Variants in DMAC1 observed in about 807,000 individuals in gnomAD.
DMAC1 encodes the protein distal membrane-arm assembly complex protein 1.
In DMAC1, 10 loss-of-function variants were observed where a neutral mutation model predicts 7.0. That is an observed-to-expected ratio of 1.43 (90% CI 0.88 to 2.43). DMAC1 has a LOEUF of 2.43. Among genes scored for constraint, DMAC1 ranks in the 30% most tolerant of loss-of-function variants. The probability of loss-of-function intolerance (pLI) is 0.00; values close to 1 mark genes in which losing one functional copy is unlikely to be tolerated. For missense variants in DMAC1, 219 were observed against 158.7 expected (o/e 1.38, Z -2.04); for synonymous variants, 92 against 66.2 (o/e 1.39, Z -1.90).
At chr9:7,799,430 A>AC in intron 1 of DMAC1, 31 bp downstream of exon 1, 1 of 1,609,302 alleles carries the variant, frequency 6.2e-7, no homozygotes, top group East Asian at 2.2e-5. Context: ...CAGATACCCA[A>AC]CCCGCCCAAG....
chr9:7,798,472 A>G lies in DMAC1; in HGVS notation c.*101T>C, dbSNP rs1304801815. 3.3e-6 allele frequency: 4 copies of G among 1,228,804 alleles called. No individual in the cohort carries two copies. The highest frequency in any genetic ancestry group is 2.3e-5 in the East Asian group (1 of 43,070). The allele number at this position is 1,228,804 out of a possible 1,614,324, so 76.1% of individuals were successfully genotyped here. On this transcript the variant is annotated 3_prime_UTR_variant, in exon 2 of 2. Transcript: ENST00000358227. ...GTATCCACAGTAGTGATGTCTGTCC[A>G]TGTACAAGTGTCTGTCCAGAACACC... is the stretch of plus-strand genomic sequence containing the variant.
rs577861045 is a variant in DMAC1 at position 7,799,291 on chromosome 9, AAAAG to A, written c.274+166_274+169del. ...ATACTAACTTAAAATTAAAAAAAAA[AAAAG>A]AAAGGCGTTCCAACAACTTCCTCTC... On this transcript the variant is annotated intron_variant, in intron 1 of 1. Coordinates refer to ENST00000358227, the MANE Select transcript of DMAC1 (RefSeq NM_033428.3). 3.3e-3 allele frequency among the ~76,000 whole-genome samples: 500 copies of A among 151,814 alleles called. 3 individuals are homozygous for A. Among genetic ancestry groups the A allele is most frequent in the African/African-American group, 0.011 (471 of 41,392 alleles).
At chr9:7,798,774 T>A in intron 1 of DMAC1, 137 bp from the exon 2 acceptor site, 1 of 668,030 alleles carries the variant, frequency 1.5e-6, no homozygotes, top group South Asian at 4.4e-5. Context: ...ATAAGGCAAG[T>A]GAAGCACAGA....
In DMAC1 at chr9:7,798,705, G is replaced by T. The variant is rs540572203; in HGVS notation, c.275-68C>A. On this transcript the variant is annotated intron_variant, in intron 1 of 1. Coordinates refer to ENST00000358227, the MANE Select transcript of DMAC1 (RefSeq NM_033428.3). ...AATTTACCAAGTGTTTCACATATAC[G>T]CCATCTTATTTAACCCTCACAACAC... 89 of 1,327,868 alleles carry T rather than the reference G, an allele frequency of 6.7e-5. No individual in the cohort carries two copies. The South Asian group carries it at 1.2e-3, about 18-fold the overall frequency. The allele number at this position is 1,327,868 out of a possible 1,614,324, so 82.3% of individuals were successfully genotyped here.
chr9:7,797,737 G>A lies in DMAC1; in HGVS notation c.*836C>T, dbSNP rs1023242153. On this transcript the variant is annotated 3_prime_UTR_variant, in exon 2 of 2. Coordinates refer to ENST00000358227, the MANE Select transcript of DMAC1 (RefSeq NM_033428.3). ...TAGCTAAAGGTTTTGAATTTTTCTT[G>A]TGACATTTAAGTCTTTTATTGTATG... 3.3e-5 allele frequency: 5 copies of A among 149,556 alleles called. No homozygotes were observed. The highest frequency in any genetic ancestry group is 1.2e-4 in the African/African-American group (5 of 40,720). The allele number at this position is 149,556 out of a possible 1,614,324, so 9.3% of individuals were successfully genotyped here. A position where few individuals can be genotyped will look rare whatever the true frequency, so the allele number is the denominator to read the frequency against.
chr9:7,798,778 G>GAA, intron 1 of DMAC1, 141 bp from the exon 2 acceptor site: 2 of 651,786 alleles, frequency 3.1e-6, no homozygotes, highest in Non-Finnish European at 4.7e-6. Context: ...GGCAAGTGAA[G>GAA]CACAGAAAAA....
rs1818696876 is a variant in DMAC1 at position 7,799,524 on chromosome 9, T to A, written c.211A>T (p.Lys71Ter). 6.2e-7 allele frequency: 1 copy of A among 1,613,520 alleles called. No individual in the cohort carries two copies. The highest frequency in any genetic ancestry group is 1.3e-5 in the African/African-American group (1 of 74,888). ...AGGYVYWVARKPMKMGYPPSP... is the reference protein window; with the variant it reads ...AGGYVYWVAR Reference sequence around the variant, plus strand: ...GGGGGGTATCCCATCTTCATGGGCTTCCGTGCCACCCAGTACACGTACCCG... The same window carrying A: ...GGGGGGTATCCCATCTTCATGGGCTACCGTGCCACCCAGTACACGTACCCG... Residue 71 changes from lysine to a stop codon, truncating the protein, a stop_gained, in exon 1 of 2, where the codon AAG (lysine) becomes TAG (stop). Transcript: ENST00000358227. LOFTEE classifies it high-confidence loss of function.
At position 7,796,659 on chromosome 9, in the gene DMAC1, A is replaced by G. The variant is rs1182823662; in HGVS notation, c.*1914T>C. On this transcript the variant is annotated 3_prime_UTR_variant, in exon 2 of 2. Transcript: ENST00000358227. The stretch of plus-strand genomic sequence containing the variant: ...CTGTGGATTTTCTTCCACCTCTGCC[A>G]CTGGGACAGAAAGACCAACTCCTCT... 1 of 152,228 alleles carries G rather than the reference A, an allele frequency of 6.6e-6. No individual in the cohort carries two copies. The highest frequency in any genetic ancestry group is 2.4e-5 in the African/African-American group (1 of 41,456). 9.4% of individuals were successfully genotyped at this position (152,228 alleles called of 1,614,324 possible).
chr9:7,798,679 A>G, intron 1 of DMAC1, 42 bp from the exon 2 acceptor site: 3 of 1,470,966 alleles, frequency 2.0e-6, no homozygotes, highest in Non-Finnish European at 2.7e-6. Context: ...TGCTGCATTT[A>G]AATTTACCAA....
chr9:7,799,414 A>ACCC, intron 1 of DMAC1, 47 bp downstream of exon 1: 1 of 1,601,478 alleles, frequency 6.2e-7, no homozygotes, highest in East Asian at 2.3e-5. Flanking sequence ...TCCTTCCTCT[A>ACCC]CCCCGCAGAT....
At chr9:7,798,801 A>G (rs1474487678) in intron 1 of DMAC1, among the ~76,000 whole-genome samples, 164 bp from the exon 2 acceptor site, 1 of 152,192 alleles carries the variant, frequency 6.6e-6, no homozygotes, top group African/African-American at 2.4e-5. Context: ...AAAAAAAATC[A>G]GGAAAAAAAA....
At position 7,798,554 on chromosome 9, in the gene DMAC1, A is replaced by T; in HGVS notation, c.*19T>A. 6.2e-7 allele frequency: 1 copy of T among 1,613,818 alleles called. No homozygotes were observed. The highest frequency in any genetic ancestry group is 8.5e-7 in the Non-Finnish European group (1 of 1,179,684). On this transcript the variant is annotated 3_prime_UTR_variant, in exon 2 of 2. Transcript: ENST00000358227. ...GGGGAAAGGGACAGAGACAGAAGAC[A>T]GATTCACTGGTGGTACTTTCAAACA...
intron 1 of DMAC1, among the ~76,000 whole-genome samples, 166 bp from the exon 2 acceptor site, chr9:7,798,803 GA>G (rs959742602): frequency 6.6e-5 from 10 of 151,738 alleles, no homozygotes; most frequent in African/African-American, 2.2e-4. Flanking sequence ...AAAAAATCAG[GA>G]AAAAAAAGAA....
rs1356573565 is a variant in DMAC1 at position 7,796,969 on chromosome 9, C to G, written c.*1604G>C. ...CTCCACTGAGCAAATGTTCAGCGCT[C>G]TTAACTCCTGTGTTGTCCAAGGGTC... is the stretch of plus-strand genomic sequence containing the variant. On this transcript the variant is annotated 3_prime_UTR_variant, in exon 2 of 2. Transcript: ENST00000358227. 6.6e-6 allele frequency: 1 copy of G among 152,206 alleles called. No individual in the cohort carries two copies. The highest frequency in any genetic ancestry group is 1.5e-5 in the Non-Finnish European group (1 of 68,042). 9.4% of individuals were successfully genotyped at this position (152,206 alleles called of 1,614,324 possible). A position where few individuals can be genotyped will look rare whatever the true frequency, so the allele number is the denominator to read the frequency against.
rs146989557 is a variant in DMAC1 at position 7,799,723 on chromosome 9, C to T, written c.12G>A (p.Arg4=). The T allele has an allele frequency of 8.8e-4, 1,355 of 1,540,730 alleles. 9 individuals carry two copies. The African/African-American group carries it at 0.016, about 18-fold the overall frequency. ...TATAGGACTCAAAAGGCTGGGACAA[C>T]CGAGACCCCATGCTCTGGAACTCGG... MGS[R]LSQPFESYIT... is the part of the protein sequence containing the mutation. Residue 4 remains arginine (R), a synonymous_variant, in exon 1 of 2, where the codon CGG becomes CGA. Coordinates refer to ENST00000358227, the MANE Select transcript of DMAC1 (RefSeq NM_033428.3).
rs1222606211 is a variant in DMAC1 at position 7,797,826 on chromosome 9, TAGAACAAAAAACTGACAAGAAC to T, written c.*725_*746del. On this transcript the variant is annotated 3_prime_UTR_variant, in exon 2 of 2. Transcript: ENST00000358227. ...TTCTTGCCTCCATGAAAGGGAAGACTAGAACAAAAAACTGACAAGAACAAGTTCTAGCTCCATCACGGACTTA... is the reference window on the plus strand; with the variant it reads ...TTCTTGCCTCCATGAAAGGGAAGACTAAGTTCTAGCTCCATCACGGACTTA... 1 of 152,160 alleles carries T rather than the reference TAGAACAAAAAACTGACAAGAAC, an allele frequency of 6.6e-6. No homozygotes were observed. The highest frequency in any genetic ancestry group is 1.5e-5 in the Non-Finnish European group (1 of 68,020). The allele number at this position is 152,160 out of a possible 1,614,324, so 9.4% of individuals were successfully genotyped here. A position where few individuals can be genotyped will look rare whatever the true frequency, so the allele number is the denominator to read the frequency against.
At position 7,797,220 on chromosome 9, in the gene DMAC1, T is replaced by C. The variant is rs998681772; in HGVS notation, c.*1353A>G. 23 of 152,220 alleles carry C rather than the reference T, an allele frequency of 1.5e-4. No homozygotes were observed. The highest frequency in any genetic ancestry group is 2.7e-4 in the African/African-American group (11 of 41,444). 9.4% of individuals were successfully genotyped at this position (152,220 alleles called of 1,614,324 possible). A position where few individuals can be genotyped will look rare whatever the true frequency, so the allele number is the denominator to read the frequency against. ...TGGGTCATCCATGGTCCCTTCCAAC[T>C]TAAAACTTCTCTATTCATGAACATA... On this transcript the variant is annotated 3_prime_UTR_variant, in exon 2 of 2. Coordinates refer to ENST00000358227, the MANE Select transcript of DMAC1 (RefSeq NM_033428.3).
Position 7,799,594 on chromosome 9 carries a change from G to A in DMAC1, c.141C>T (p.Cys47=). 1.2e-6 allele frequency: 2 copies of A among 1,613,716 alleles called. No homozygotes were observed. Among genetic ancestry groups the A allele is most frequent in the Non-Finnish European group, 1.7e-6 (2 of 1,179,964 alleles). The change falls in exon 1 of 2, where the codon TGC becomes TGT. Residue 47 remains cysteine (C), a synonymous_variant. Transcript: ENST00000358227. ...SPAEHRLLKT[C]WSCRVLSGLG... ...ACCCAGAAAGCACGCGACAGCTCCAGCAGGTCTTCAACAGGCGGTGTTCTG... is the reference window on the plus strand; with the variant it reads ...ACCCAGAAAGCACGCGACAGCTCCAACAGGTCTTCAACAGGCGGTGTTCTG...
rs955200716 is a variant in DMAC1 at position 7,799,642 on chromosome 9, T to A, written c.93A>T (p.Thr31=). ...AAPAKPAPPA[T]PGAPTSPAEH... ...CTGCTGGGGAGGTCGGCGCTCCGGG[T>A]GTAGCTGGGGGCGCAGGTTTGGCGG... Residue 31 remains threonine, a synonymous_variant, in exon 1 of 2, where the codon ACA becomes ACT. Coordinates refer to ENST00000358227, the MANE Select transcript of DMAC1 (RefSeq NM_033428.3). 6.8e-6 allele frequency: 11 copies of A among 1,611,858 alleles called. No individual in the cohort carries two copies. The highest frequency in any genetic ancestry group is 1.7e-6 in the Non-Finnish European group (2 of 1,179,546).
Sources: allele counts gnomAD v4.1 joint callset (sites outside exome capture counted in the v4.1 genomes callset), GRCh38; gene constraint gnomAD v4.1.1; transcripts MANE v1.5; gene names NCBI Gene and HGNC (gene_info 2026-07-23, HGNC 2026-07-21).